The following ROBO1 variants were observed in gnomAD, a reference collection of about 807,000 sequenced individuals.
ROBO1 encodes roundabout guidance receptor 1.
In ROBO1, 149 loss-of-function variants were observed where a neutral mutation model predicts 195.9. The observed-to-expected ratio is 0.76, with a 90% CI of 0.67 to 0.87. The LOEUF is 0.87. Ranked by LOEUF, ROBO1 falls within the 40% of genes least tolerant of loss-of-function variation. The pLI, the probability that ROBO1 is intolerant of heterozygous loss-of-function variation, is 0.00. For synonymous variants in ROBO1, 816 were observed against 733.2 expected, an observed-to-expected ratio of 1.11 and a Z score of -1.82; for missense variants, 1,933 against 2,068.3, an observed-to-expected ratio of 0.93 and a Z score of 1.27.
chr3:79,296,464 A>G (rs1200389759), intron 2 of ROBO1, among the ~76,000 whole-genome samples: 2 of 152,168 alleles, frequency 1.3e-5, no homozygotes, highest in Non-Finnish European at 2.9e-5. Flanking sequence ...TCATTTCTAG[A>G]AGGAAATATT....
chr3:78,739,909 GA>G (rs1050464341), intron 5 of ROBO1, among the ~76,000 whole-genome samples: 5 of 152,156 alleles, frequency 3.3e-5, no homozygotes, highest in African/African-American at 1.2e-4. Context: ...TAGCATAGCA[GA>G]GTTGTTATAT....
intron 4 of ROBO1, among the ~76,000 whole-genome samples, chr3:78,908,594 T>C (rs1338545228): frequency 1.3e-5 from 2 of 151,956 alleles, no homozygotes; most frequent in African/African-American, 2.4e-5. Flanking sequence ...ATTAGAATCA[T>C]ATGCTATGCG....
At chr3:79,174,377 G>C (rs907371518) in intron 2 of ROBO1, among the ~76,000 whole-genome samples, 4 of 151,618 alleles carry the variant, frequency 2.6e-5, no homozygotes, top group Non-Finnish European at 5.9e-5. Context: ...GCGAAACCAC[G>C]AACCCACCAC....
intron 3 of ROBO1, 72 bp from the exon 4 acceptor site, chr3:78,938,999 G>C: frequency 7.6e-7 from 1 of 1,318,078 alleles, no homozygotes; most frequent in South Asian, 1.4e-5. Flanking sequence ...TAAAGCATTG[G>C]CTTAACCATT....
At chr3:78,941,424 C>G (rs573388206) in intron 3 of ROBO1, among the ~76,000 whole-genome samples, 2 of 152,186 alleles carry the variant, frequency 1.3e-5, no homozygotes, top group East Asian at 3.9e-4. Context: ...ATGTTCTTGG[C>G]CTTTACCTTG....
chr3:78,925,717 G>C (rs1317827392), intron 4 of ROBO1, among the ~76,000 whole-genome samples: 1 of 152,086 alleles, frequency 6.6e-6, no homozygotes, highest in Non-Finnish European at 1.5e-5. Context: ...GAAGAATGAA[G>C]ATTTCCTCAC....
chr3:78,795,122 T>C (rs980228907), intron 4 of ROBO1, among the ~76,000 whole-genome samples: 1 of 152,184 alleles, frequency 6.6e-6, no homozygotes, highest in African/African-American at 2.4e-5. Context: ...TGTAAAAAGA[T>C]AGCATTCCCT....
intron 4 of ROBO1, among the ~76,000 whole-genome samples, chr3:78,788,769 C>T (rs955732535): frequency 6.6e-6 from 1 of 151,740 alleles, no homozygotes; most frequent in African/African-American, 2.4e-5. Flanking sequence ...TTCAAATTGG[C>T]AAAACTGACA....
chr3:79,153,232 C>T (rs2080803537), intron 2 of ROBO1, among the ~76,000 whole-genome samples: 1 of 151,636 alleles, frequency 6.6e-6, no homozygotes. Flanking sequence ...AACCATGCTG[C>T]ACCAAGTAGC....
At chr3:79,235,377 G>A (rs1028180147) in intron 2 of ROBO1, among the ~76,000 whole-genome samples, 1 of 151,934 alleles carries the variant, frequency 6.6e-6, no homozygotes, top group East Asian at 2.0e-4. Context: ...CATTATAATA[G>A]TAAGGGGCGC....
chr3:78,726,021 A>G (rs1576029738), intron 5 of ROBO1, among the ~76,000 whole-genome samples: 2 of 152,032 alleles, frequency 1.3e-5, no homozygotes, highest in East Asian at 3.9e-4. Context: ...CTAATTAACT[A>G]GTTTGGCTAC....
At chr3:79,462,904 C>T (rs542414428) in intron 2 of ROBO1, among the ~76,000 whole-genome samples, 58 of 152,262 alleles carry the variant, frequency 3.8e-4, no homozygotes, top group Middle Eastern at 3.4e-3. Context: ...GTATAGTATA[C>T]GTAGATACAC....
intron 3 of ROBO1, among the ~76,000 whole-genome samples, chr3:78,956,855 A>C (rs1268023361): frequency 6.6e-6 from 1 of 152,196 alleles, no homozygotes; most frequent in East Asian, 1.9e-4. Flanking sequence ...CCTTAAATTT[A>C]ATTCTGAGGA....
chr3:78,928,193 C>G (rs938680484), intron 4 of ROBO1, among the ~76,000 whole-genome samples: 2 of 152,140 alleles, frequency 1.3e-5, no homozygotes, highest in Admixed American at 1.3e-4. Flanking sequence ...TTTGTTTTGA[C>G]TTAATGACAG....
intron 2 of ROBO1, among the ~76,000 whole-genome samples, chr3:79,414,251 T>C (rs578042243): frequency 6.6e-6 from 1 of 151,836 alleles, no homozygotes; most frequent in South Asian, 2.1e-4. Context: ...TCTTTCTCTG[T>C]GTGTGTATGT....
At chr3:79,048,554 A>G (rs941130907) in intron 3 of ROBO1, among the ~76,000 whole-genome samples, 4 of 152,158 alleles carry the variant, frequency 2.6e-5, no homozygotes, top group Non-Finnish European at 4.4e-5. Context: ...AGAAGTATAT[A>G]TAACCATGTG....
chr3:79,183,889 T>G (rs1235566373), intron 2 of ROBO1, among the ~76,000 whole-genome samples: 1 of 152,248 alleles, frequency 6.6e-6, no homozygotes. Context: ...ACCATGAATG[T>G]AATGACTTAA....
At chr3:79,522,079 C>T (rs1941232938) in intron 2 of ROBO1, among the ~76,000 whole-genome samples, 1 of 152,092 alleles carries the variant, frequency 6.6e-6, no homozygotes, top group Non-Finnish European at 1.5e-5. Flanking sequence ...TTCAGTATGT[C>T]ATCTATTAGT....
chr3:79,384,118 A>C (rs1172930375), intron 2 of ROBO1, among the ~76,000 whole-genome samples: 2 of 152,050 alleles, frequency 1.3e-5, no homozygotes. Flanking sequence ...GCCAAGAAGA[A>C]AATATTGATA....
Sources: allele counts gnomAD v4.1 joint callset (sites outside exome capture counted in the v4.1 genomes callset), GRCh38; gene constraint gnomAD v4.1.1; transcripts MANE v1.5; gene names NCBI Gene and HGNC (gene_info 2026-07-23, HGNC 2026-07-21).